CFI: variants seen among roughly 807,000 people sequenced by gnomAD.
CFI encodes the protein C3B/C4B inactivator.
Under a neutral mutation model 78.8 loss-of-function variants are expected in CFI, and 66 were observed. That is an observed-to-expected ratio of 0.84 (90% CI 0.69 to 1.03). The LOEUF (loss-of-function observed/expected upper bound fraction) is 1.03, where lower values mean the gene tolerates loss of function less well. Ranked by LOEUF, CFI falls within the 50% of genes least tolerant of loss-of-function variation. The probability of loss-of-function intolerance (pLI) is 0.00; values close to 1 mark genes in which losing one functional copy is unlikely to be tolerated. For synonymous variants in CFI, 250 were observed against 232.6 expected (o/e 1.07, Z -0.68); for missense variants, 706 against 704.5 (o/e 1.00, Z -0.02).
At chr4:109,734,942 C>T in the CFI span, among the ~76,000 whole-genome samples, 4 of 152,230 alleles carry the variant, frequency 2.6e-5, no homozygotes, top group East Asian at 5.8e-4. Flanking sequence ...TTCTGGGTGG[C>T]CAAGACTGGC....
At chr4:109,743,442 A>G (rs554717272) in intron 11 of CFI, among the ~76,000 whole-genome samples, 11 of 152,304 alleles carry the variant, frequency 7.2e-5, no homozygotes, top group African/African-American at 2.4e-4. Context: ...CAGAATTTTA[A>G]CTACTAGACT....
intron 1 of CFI, among the ~76,000 whole-genome samples, chr4:109,790,526 T>C (rs766842440): frequency 2.5e-4 from 38 of 152,096 alleles, no homozygotes; most frequent in Non-Finnish European, 4.6e-4. Flanking sequence ...TACAGATTAT[T>C]GTATCACCCA....
In CFI at chr4:109,766,915, C is replaced by T. The variant is rs993671321; in HGVS notation, c.58-91G>A. 4 of 1,270,220 alleles carry T rather than the reference C, an allele frequency of 3.1e-6. No homozygotes were observed. The African/African-American group carries it at 5.8e-5, about 19-fold the overall frequency. The allele number at this position is 1,270,220 out of a possible 1,614,324, so 78.7% of individuals were successfully genotyped here. A position where few individuals can be genotyped will look rare whatever the true frequency, so the allele number is the denominator to read the frequency against. ...GTGAAGGAAAAGAGCAAAACAGATACAGCCCACAGTACAGATGAGGATGGT... is the reference window on the plus strand; with the variant it reads ...GTGAAGGAAAAGAGCAAAACAGATATAGCCCACAGTACAGATGAGGATGGT... On this transcript the variant is annotated intron_variant, in intron 1 of 12. Transcript: ENST00000394634.
chr4:109,780,799 A>G (rs1308126417), intron 1 of CFI, among the ~76,000 whole-genome samples: 1 of 152,242 alleles, frequency 6.6e-6, no homozygotes, highest in Non-Finnish European at 1.5e-5. Context: ...CATATACACC[A>G]TGGAATACTA....
chr4:109,746,102 T>C lies in CFI; in HGVS notation c.1429+120A>G, dbSNP rs548594186. 8 of 1,226,296 alleles carry C rather than the reference T, an allele frequency of 6.5e-6. No individual in the cohort carries two copies. The South Asian group carries it at 9.2e-5, about 14-fold the overall frequency. 76.0% of individuals were successfully genotyped at this position (1,226,296 alleles called of 1,614,324 possible). On this transcript the variant is annotated intron_variant, in intron 11 of 12. Coordinates refer to ENST00000394634, the MANE Select transcript of CFI (RefSeq NM_000204.5). ...ATGAAGCCAGCCATGGCTGGATGTT[T>C]ACTTTTCTGGATATGATGTTATGCT...
chr4:109,770,720 C>T (rs1284261104), intron 1 of CFI, among the ~76,000 whole-genome samples: 1 of 150,022 alleles, frequency 6.7e-6, no homozygotes, highest in Non-Finnish European at 1.5e-5. Context: ...AGGGCATAAA[C>T]CATAAGGTCA....
chr4:109,801,161 A>G (rs1198655035), intron 1 of CFI, among the ~76,000 whole-genome samples: 1 of 152,232 alleles, frequency 6.6e-6, no homozygotes, highest in African/African-American at 2.4e-5. Context: ...TCAATAAAAT[A>G]TGTCATTTCA....
intron 6 of CFI, chr4:109,758,047 T>A: frequency 1.0e-6 from 1 of 975,130 alleles, no homozygotes. Flanking sequence ...TTCAGACTAG[T>A]ACAACTTAAT....
chr4:109,757,972 A>T, intron 6 of CFI, 189 bp from the exon 7 acceptor site: 1 of 1,460,042 alleles, frequency 6.8e-7, no homozygotes, highest in Non-Finnish European at 9.1e-7. Flanking sequence ...AAAACAAAAA[A>T]CAAAAAACTC....
chr4:109,732,310 T>G, the CFI span, among the ~76,000 whole-genome samples: 1 of 152,208 alleles, frequency 6.6e-6, no homozygotes, highest in African/African-American at 2.4e-5. Context: ...CTCAAGCAAA[T>G]CTTTCCACTG....
rs1013710412 is a variant in CFI at position 109,779,131 on chromosome 4, A to C, written c.58-12307T>G. On this transcript the variant is annotated intron_variant, in intron 1 of 12. Coordinates refer to ENST00000394634, the MANE Select transcript of CFI (RefSeq NM_000204.5). The stretch of plus-strand genomic sequence containing the variant: ...CAACATAGTGTTGGAAGTTCTGAAC[A>C]GGGCAATCAGGCAAGAGAAAGAAAT... Among the ~76,000 whole-genome samples, 10 of 152,304 alleles carry C rather than the reference A, an allele frequency of 6.6e-5. No homozygotes were observed. The South Asian group carries it at 1.0e-3, about 16-fold the overall frequency.
At chr4:109,759,652 C>T (rs1309063710) in intron 6 of CFI, among the ~76,000 whole-genome samples, 2 of 152,118 alleles carry the variant, frequency 1.3e-5, no homozygotes, top group South Asian at 2.1e-4. Context: ...CCTGTAACCC[C>T]AGCACTTTGG....
At chr4:109,790,300 TG>T (rs1731222235) in intron 1 of CFI, among the ~76,000 whole-genome samples, 1 of 152,102 alleles carries the variant, frequency 6.6e-6, no homozygotes, top group South Asian at 2.1e-4. Context: ...ATATATTTTT[TG>T]TTTCTACTCT....
At chr4:109,776,496 T>C (rs1375746770) in intron 1 of CFI, among the ~76,000 whole-genome samples, 3 of 152,184 alleles carry the variant, frequency 2.0e-5, no homozygotes, top group Non-Finnish European at 2.9e-5. Context: ...CTACATCTGA[T>C]TGATGTACCT....
chr4:109,742,631 C>G (rs1723948178), intron 11 of CFI, 36 bp from the exon 12 acceptor site: 1 of 1,315,150 alleles, frequency 7.6e-7, no homozygotes. Context: ...TTAGAAGTCA[C>G]AAATGAGAAA....
rs1416762682 is a variant in CFI at position 109,746,447 on chromosome 4, G to A, written c.1204C>T (p.Pro402Ser). 8 of 1,613,524 alleles carry A rather than the reference G, an allele frequency of 5.0e-6. No homozygotes were observed. The highest frequency in any genetic ancestry group is 6.8e-6 in the Non-Finnish European group (8 of 1,179,796). Residue 402 changes from proline (P) to serine (S), a missense_variant, in exon 11 of 13, where the codon CCC (proline) becomes TCC (serine). Physicochemically the swap from Pro to Ser is moderately conservative, Grantham distance 74 (BLOSUM62 -1). Transcript: ENST00000394634. ...IWTTVVDWIHPDLKRIVIEYV... is the reference protein window; with the variant it reads ...IWTTVVDWIHSDLKRIVIEYV... ...TCAATTACTATACGTTTAAGGTCGG[G>A]GTGTATCCAGTCTACTACTGTTGTC...
chr4:109,750,359 G>A (rs1274283302), intron 8 of CFI, among the ~76,000 whole-genome samples: 1 of 152,090 alleles, frequency 6.6e-6, no homozygotes, highest in African/African-American at 2.4e-5. Context: ...TGTTAACATA[G>A]TGATACTCTT....
At chr4:109,785,137 T>C (rs570256757) in intron 1 of CFI, among the ~76,000 whole-genome samples, 6 of 152,182 alleles carry the variant, frequency 3.9e-5, no homozygotes, top group African/African-American at 1.4e-4. Context: ...TAAGAACTAA[T>C]GATAATCTCA....
intron 6 of CFI, among the ~76,000 whole-genome samples, chr4:109,758,393 C>T (rs1042905875): frequency 6.6e-6 from 1 of 151,846 alleles, no homozygotes; most frequent in Non-Finnish European, 1.5e-5. Flanking sequence ...GAGATTTTTC[C>T]TCCAGAAAGC....
Sources: gnomAD v4.1 joint callset for allele counts (sites outside exome capture counted in the v4.1 genomes callset) on GRCh38, gnomAD v4.1.1 for gene constraint, MANE v1.5 for transcripts, NCBI Gene and HGNC (gene_info 2026-07-23, HGNC 2026-07-21) for gene names.